CCDC171: variants seen among roughly 807,000 people sequenced by gnomAD.
The protein encoded by CCDC171 is coiled-coil domain containing 171.
A neutral mutation model predicts 168.2 loss-of-function variants in CCDC171; 177 were observed. That is an observed-to-expected ratio of 1.05 (90% CI 0.93 to 1.19). The LOEUF is 1.19. Among genes scored for constraint, CCDC171 ranks in the 50% most tolerant of loss-of-function variants. The pLI, the probability that CCDC171 is intolerant of heterozygous loss-of-function variation, is 0.00. For synonymous variants in CCDC171, 687 were observed against 540.8 expected, an observed-to-expected ratio of 1.27 and a Z score of -3.75; for missense variants, 1,991 against 1,539.0, an observed-to-expected ratio of 1.29 and a Z score of -4.91.
chr9:15,627,512 G>C (rs7389047), intron 7 of CCDC171, among the ~76,000 whole-genome samples: 73,024 of 151,884 alleles, frequency 0.48, 17,988 homozygotes, highest in East Asian at 0.77. Flanking sequence ...AGTCTGGTAT[G>C]TTGTGTCTTT....
chr9:16,004,094 G>A (rs955444232), intron 3 of CCDC171, among the ~76,000 whole-genome samples: 2 of 152,174 alleles, frequency 1.3e-5, no homozygotes, highest in African/African-American at 4.8e-5. Context: ...AGGAACACGC[G>A]GGAGTTTGTA....
intron 3 of CCDC171, among the ~76,000 whole-genome samples, chr9:15,996,174 G>A (rs1360952618): frequency 2.0e-5 from 3 of 151,728 alleles, no homozygotes; most frequent in Non-Finnish European, 4.4e-5. Flanking sequence ...GTTACTCTTC[G>A]GGGTATCTGC....
At chr9:15,597,773 T>C (rs1192742280) in intron 6 of CCDC171, among the ~76,000 whole-genome samples, 1 of 152,044 alleles carries the variant, frequency 6.6e-6, no homozygotes, top group Non-Finnish European at 1.5e-5. Flanking sequence ...TCCATCTGGT[T>C]CTGGACTTTT....
chr9:15,965,991 C>T (rs1258935271), intron 25 of CCDC171, among the ~76,000 whole-genome samples: 1 of 152,058 alleles, frequency 6.6e-6, no homozygotes, highest in Non-Finnish European at 1.5e-5. Context: ...TAATATAAGT[C>T]GTTTGTTCAT....
intron 24 of CCDC171, among the ~76,000 whole-genome samples, chr9:15,894,709 C>T (rs758887084): frequency 5.3e-5 from 8 of 152,062 alleles, no homozygotes; most frequent in Non-Finnish European, 1.2e-4. Flanking sequence ...CTTGGTATCC[C>T]TTTCTCTCGA....
chr9:15,747,898 T>A (rs1260954922), intron 18 of CCDC171, among the ~76,000 whole-genome samples: 1 of 152,138 alleles, frequency 6.6e-6, no homozygotes, highest in African/African-American at 2.4e-5. Context: ...TGAGAATGAC[T>A]TTGACGAGTT....
At chr9:15,963,297 G>A (rs141515098) in intron 25 of CCDC171, among the ~76,000 whole-genome samples, 18 of 151,924 alleles carry the variant, frequency 1.2e-4, no homozygotes, top group African/African-American at 3.4e-4. Flanking sequence ...AAACCTGCAC[G>A]TTGTGCATGT....
At chr9:15,807,840 GT>G (rs1289640428) in intron 21 of CCDC171, among the ~76,000 whole-genome samples, 1 of 150,794 alleles carries the variant, frequency 6.6e-6, no homozygotes, top group Admixed American at 6.6e-5. Context: ...CAAGATTGCC[GT>G]TTCTGCTTGG....
At chr9:15,637,406 T>G (rs2046280423) in intron 7 of CCDC171, among the ~76,000 whole-genome samples, 2 of 152,148 alleles carry the variant, frequency 1.3e-5, no homozygotes, top group African/African-American at 4.8e-5. Context: ...TGGTTGATGT[T>G]ATAGGTATAA....
chr9:15,965,641 A>G (rs1337988166), intron 25 of CCDC171, among the ~76,000 whole-genome samples: 1 of 152,234 alleles, frequency 6.6e-6, no homozygotes, highest in Admixed American at 6.5e-5. Context: ...CATGTTGGCT[A>G]TAATTGTAAA....
intron 14 of CCDC171, among the ~76,000 whole-genome samples, chr9:15,726,868 T>G (rs2053841336): frequency 6.6e-6 from 1 of 152,106 alleles, no homozygotes; most frequent in Non-Finnish European, 1.5e-5. Flanking sequence ...AATAAAAATA[T>G]TCATTTTGCA....
chr9:15,843,443 A>G (rs2060767691), intron 21 of CCDC171, among the ~76,000 whole-genome samples: 2 of 152,168 alleles, frequency 1.3e-5, no homozygotes, highest in East Asian at 1.9e-4. Context: ...TAAATTCAGT[A>G]TCAGGCTTTG....
the CCDC171 span, among the ~76,000 whole-genome samples, chr9:16,093,750 C>G: frequency 6.6e-6 from 1 of 152,166 alleles, no homozygotes; most frequent in African/African-American, 2.4e-5. Context: ...AATGACAGGA[C>G]AAGCATGCCA....
chr9:16,000,260 C>A (rs1471784552), intron 3 of CCDC171, among the ~76,000 whole-genome samples: 4 of 152,106 alleles, frequency 2.6e-5, no homozygotes, highest in Non-Finnish European at 4.4e-5. Context: ...AAACTACAAA[C>A]CCAAAGCCTT....
chr9:15,562,027 C>T lies in CCDC171; in HGVS notation c.-111-1951C>T, dbSNP rs184282182. On this transcript the variant is annotated intron_variant, in intron 1 of 25. Coordinates refer to ENST00000380701, the MANE Select transcript of CCDC171 (RefSeq NM_173550.4). ...CTTTTTTTTTTAAGATGGAGTCTTA[C>T]TCTGTAGCCCAGGCTGGAGTGCAGT... Among the ~76,000 whole-genome samples the T allele has an allele frequency of 2.0e-5, 3 of 152,042 alleles. 1 individual carries two copies. The East Asian group carries it at 5.8e-4, about 29-fold the overall frequency.
intron 18 of CCDC171, among the ~76,000 whole-genome samples, chr9:15,748,660 G>A (rs1588278826): frequency 6.6e-6 from 1 of 152,304 alleles, no homozygotes; most frequent in Admixed American, 6.5e-5. Context: ...AGAGTGGGGG[G>A]CCAATATTCA....
At chr9:15,901,071 A>G (rs1023938372) in intron 24 of CCDC171, among the ~76,000 whole-genome samples, 1 of 152,202 alleles carries the variant, frequency 6.6e-6, no homozygotes, top group Non-Finnish European at 1.5e-5. Flanking sequence ...AATATGCTCC[A>G]TAACATAGAA....
At chr9:15,647,642 T>C (rs1279045539) in intron 7 of CCDC171, among the ~76,000 whole-genome samples, 1 of 151,682 alleles carries the variant, frequency 6.6e-6, no homozygotes, top group African/African-American at 2.4e-5. Flanking sequence ...AACTAGAAAA[T>C]CTAGAAGAAA....
intron 21 of CCDC171, among the ~76,000 whole-genome samples, chr9:15,786,210 A>G (rs1416320415): frequency 6.6e-6 from 1 of 152,140 alleles, no homozygotes; most frequent in Non-Finnish European, 1.5e-5. Flanking sequence ...TATTTTTCTT[A>G]CATAAATGAG....
Sources: allele counts gnomAD v4.1 joint callset (sites outside exome capture counted in the v4.1 genomes callset), GRCh38; gene constraint gnomAD v4.1.1; transcripts MANE v1.5; gene names NCBI Gene and HGNC (gene_info 2026-07-23, HGNC 2026-07-21).